BACH2: variants seen among roughly 807,000 people sequenced by gnomAD.
BACH2 encodes BACH transcriptional regulator 2.
A neutral mutation model predicts 61.8 loss-of-function variants in BACH2; 5 were observed. The ratio of observed to expected loss-of-function variants is 0.08; its 90% CI spans 0.04 to 0.17. The LOEUF (loss-of-function observed/expected upper bound fraction) is 0.17, where lower values mean the gene tolerates loss of function less well. Among genes scored for constraint, BACH2 ranks in the 10% least tolerant of loss-of-function variants. The probability of loss-of-function intolerance (pLI) is 1.00; values close to 1 mark genes in which losing one functional copy is unlikely to be tolerated. For missense variants in BACH2, 824 were observed against 1,091.1 expected, an observed-to-expected ratio of 0.76 and a Z score of 3.45; for synonymous variants, 446 against 440.1, an observed-to-expected ratio of 1.01 and a Z score of -0.17.
chr6:90,261,498 C>G (rs1241683201), intron 2 of BACH2, among the ~76,000 whole-genome samples: 2 of 152,114 alleles, frequency 1.3e-5, no homozygotes, highest in African/African-American at 4.8e-5. Flanking sequence ...ATTGCTCTTG[C>G]TAGGATTACT....
chr6:90,037,081 A>C (rs1371506367), intron 5 of BACH2, among the ~76,000 whole-genome samples: 1 of 152,194 alleles, frequency 6.6e-6, no homozygotes, highest in Admixed American at 6.5e-5. Flanking sequence ...AATACCTTCC[A>C]TGGTGGTGAG....
At chr6:89,972,496 C>T (rs984486146) in intron 6 of BACH2, among the ~76,000 whole-genome samples, 29 of 152,116 alleles carry the variant, frequency 1.9e-4, no homozygotes, top group African/African-American at 4.8e-4. Context: ...ACCCCATTGA[C>T]GAAAACAAGG....
intron 5 of BACH2, among the ~76,000 whole-genome samples, chr6:90,040,499 T>C (rs1390006989): frequency 1.3e-5 from 2 of 152,024 alleles, no homozygotes; most frequent in African/African-American, 4.8e-5. Context: ...ATTTTCTCTC[T>C]TTTTATTCTT....
At chr6:90,085,993 C>T (rs1781917032) in intron 5 of BACH2, among the ~76,000 whole-genome samples, 1 of 152,090 alleles carries the variant, frequency 6.6e-6, no homozygotes, top group African/African-American at 2.4e-5. Flanking sequence ...TCAATTTTTC[C>T]ATCCTCCCAT....
intron 4 of BACH2, among the ~76,000 whole-genome samples, chr6:90,101,825 T>C (rs1782639042): frequency 6.6e-6 from 1 of 152,216 alleles, no homozygotes; most frequent in Non-Finnish European, 1.5e-5. Flanking sequence ...TTTCCTTAAT[T>C]TCTTTCTATA....
chr6:90,290,218 C>A (rs1055015759), intron 1 of BACH2, among the ~76,000 whole-genome samples: 1 of 152,242 alleles, frequency 6.6e-6, no homozygotes, highest in Non-Finnish European at 1.5e-5. Context: ...GGTCACTCCA[C>A]AATTCCTCAG....
At chr6:90,094,435 A>G (rs1782299767) in intron 4 of BACH2, among the ~76,000 whole-genome samples, 1 of 152,196 alleles carries the variant, frequency 6.6e-6, no homozygotes, top group Admixed American at 6.5e-5. Flanking sequence ...AAGAAACACA[A>G]AAGTGGTTTA....
chr6:90,271,464 C>T (rs1771522303), intron 2 of BACH2, among the ~76,000 whole-genome samples: 1 of 150,756 alleles, frequency 6.6e-6, no homozygotes, highest in South Asian at 2.1e-4. Flanking sequence ...GAGATTCATT[C>T]AAGTATTGAT....
chr6:90,194,067 A>T (rs1019268477), intron 4 of BACH2, among the ~76,000 whole-genome samples: 5 of 147,770 alleles, frequency 3.4e-5, no homozygotes, highest in South Asian at 2.1e-4. Context: ...AATCCACTTA[A>T]TTTTTTTTTT....
chr6:90,165,880 T>A (rs933182756), intron 4 of BACH2, among the ~76,000 whole-genome samples: 3 of 152,200 alleles, frequency 2.0e-5, no homozygotes, highest in Non-Finnish European at 4.4e-5. Context: ...AGTGGATCCC[T>A]TCCTTACACC....
chr6:90,137,284 A>G (rs1262807892), intron 4 of BACH2, among the ~76,000 whole-genome samples: 3 of 152,210 alleles, frequency 2.0e-5, no homozygotes, highest in Non-Finnish European at 4.4e-5. Flanking sequence ...AGTATATGCT[A>G]TCTGAGAGGC....
chr6:90,181,888 C>T (rs2127841396), intron 4 of BACH2, among the ~76,000 whole-genome samples: 1 of 152,006 alleles, frequency 6.6e-6, no homozygotes, highest in African/African-American at 2.4e-5. Flanking sequence ...GAACTTGTAC[C>T]TAGGTCTCTC....
chr6:89,932,656 A>G lies in BACH2; in HGVS notation c.2278T>C (p.Cys760Arg), dbSNP rs1020109921. 6.2e-7 allele frequency: 1 copy of G among 1,614,064 alleles called. No individual in the cohort carries two copies. Among genetic ancestry groups the G allele is most frequent in the Non-Finnish European group, 8.5e-7 (1 of 1,180,012 alleles). ...GAEQNIAASQ[C>R]AVGENVPCCL... ...CAGGGCACGTTTTCCCCCACTGCGC[A>G]TTGGGAGGCCGCAATGTTCTGCTCA... is the stretch of plus-strand genomic sequence containing the variant. The change falls in exon 9 of 9, where the codon TGC becomes CGC. Residue 760 changes from cysteine to arginine, a missense_variant. Coordinates refer to ENST00000257749, the MANE Select transcript of BACH2 (RefSeq NM_021813.4).
At chr6:90,228,056 TAA>T (rs1769973789) in intron 3 of BACH2, among the ~76,000 whole-genome samples, 1 of 152,254 alleles carries the variant, frequency 6.6e-6, no homozygotes, top group African/African-American at 2.4e-5. Flanking sequence ...AAAATCTATT[TAA>T]GACTTACTGC....
At chr6:90,126,146 T>C (rs1314781118) in intron 4 of BACH2, among the ~76,000 whole-genome samples, 1 of 152,152 alleles carries the variant, frequency 6.6e-6, no homozygotes, top group East Asian at 1.9e-4. Context: ...TTACAAAACC[T>C]GAAGGAAGGA....
intron 5 of BACH2, among the ~76,000 whole-genome samples, chr6:90,029,962 G>A (rs1223530941): frequency 6.6e-6 from 1 of 152,208 alleles, no homozygotes; most frequent in South Asian, 2.1e-4. Flanking sequence ...TGAAGGAAAA[G>A]CTCCCATTTG....
intron 6 of BACH2, among the ~76,000 whole-genome samples, chr6:89,999,449 T>C (rs1582168585): frequency 9.8e-6 from 1 of 102,508 alleles, no homozygotes; most frequent in African/African-American, 5.7e-5. Flanking sequence ...TTGTCACACC[T>C]TTTTTTTTTT....
At chr6:90,063,829 G>T (rs1780809485) in intron 5 of BACH2, among the ~76,000 whole-genome samples, 2 of 151,962 alleles carry the variant, frequency 1.3e-5, no homozygotes, top group African/African-American at 4.8e-5. Flanking sequence ...TTAATATTCT[G>T]TATGTCACAG....
At chr6:90,049,700 A>G (rs1025571991) in intron 5 of BACH2, among the ~76,000 whole-genome samples, 1 of 152,206 alleles carries the variant, frequency 6.6e-6, no homozygotes, top group African/African-American at 2.4e-5. Context: ...AGTTTCACTT[A>G]TAAAGGGACT....
Sources: gnomAD v4.1 joint callset for allele counts (sites outside exome capture counted in the v4.1 genomes callset) on GRCh38, gnomAD v4.1.1 for gene constraint, MANE v1.5 for transcripts, NCBI Gene and HGNC (gene_info 2026-07-23, HGNC 2026-07-21) for gene names.